TRPV4: variants seen among roughly 807,000 people sequenced by gnomAD.
TRPV4 encodes OSM9-like transient receptor potential channel 4.
In TRPV4, 58 loss-of-function variants were observed where a neutral mutation model predicts 84.1. That is an observed-to-expected ratio of 0.69 (90% CI 0.56 to 0.86). The LOEUF (loss-of-function observed/expected upper bound fraction) is 0.86. Among genes scored for constraint, TRPV4 ranks in the 40% least tolerant of loss-of-function variants. TRPV4 has a pLI of 0.00. For missense variants in TRPV4, 879 were observed against 1,181.1 expected (o/e 0.74, Z 3.75); for synonymous variants, 489 against 500.9 (o/e 0.98, Z 0.32).
In TRPV4 at chr12:109,798,524, TTAA is replaced by T. The variant is rs1890556088; in HGVS notation, c.1152+87_1152+89del. On this transcript the variant is annotated intron_variant, in intron 6 of 15. Transcript: ENST00000261740. This position sits in a 1 kb window ranked among gnomAD's most constrained non-coding sequence, Gnocchi z 5.0. ...GCATGTTGGGAGGTGCATGCACGTA[TTAA>T]TAATGAATACCAGCAGCAGACCCTC... 13 of 1,526,892 alleles carry T rather than the reference TTAA, an allele frequency of 8.5e-6. No homozygotes were observed. In the South Asian group the frequency reaches 1.5e-4, roughly 17 times the overall value. The allele number at this position is 1,526,892 out of a possible 1,614,324, so 94.6% of individuals were successfully genotyped here.
In TRPV4 at chr12:109,784,328, G is replaced by A. The variant is rs748742151; in HGVS notation, c.2446C>T (p.Arg816Cys). 65 of 1,614,038 alleles carry A rather than the reference G, an allele frequency of 4.0e-5. No individual in the cohort carries two copies. The highest frequency in any genetic ancestry group is 2.2e-4 in the South Asian group (20 of 91,090). Reference protein sequence around the residue: ...QYYGFSHTVGRLRRDRWSSVV... With the variant: ...QYYGFSHTVGCLRRDRWSSVV... ...CCCCTCCACTCACCCCTGCGGAGGC[G>A]GCCCACGGTATGCGAGAAGCCATAA... The change falls in exon 15 of 16, where the codon CGC becomes TGC. Residue 816 changes from arginine (R) to cysteine (C), a missense_variant. By Grantham distance (180) the Arg-to-Cys change is radical. This residue lies in a region of TRPV4 where 242 missense variants were observed against 355.3 expected (regional missense o/e 0.68). Coordinates refer to ENST00000261740, the MANE Select transcript of TRPV4 (RefSeq NM_021625.5).
At chr12:109,787,633 C>G (rs1889769415) in intron 13 of TRPV4, among the ~76,000 whole-genome samples, 1 of 152,112 alleles carries the variant, frequency 6.6e-6, no homozygotes, top group East Asian at 1.9e-4. Flanking sequence ...AACTGAGGCC[C>G]AATGAAGTAA....
At chr12:109,818,289 G>A (rs1162234357) in intron 1 of TRPV4, among the ~76,000 whole-genome samples, 2 of 151,808 alleles carry the variant, frequency 1.3e-5, no homozygotes, top group Non-Finnish European at 2.9e-5. Context: ...GCTGGGATCC[G>A]CCATGCCGGA....
chr12:109,817,221 G>T, intron 1 of TRPV4, among the ~76,000 whole-genome samples: 1 of 152,168 alleles, frequency 6.6e-6, no homozygotes, highest in Admixed American at 6.5e-5. Flanking sequence ...ATCTGCAGGG[G>T]CACAGGCATT....
chr12:109,803,482 G>A (rs985290639), intron 3 of TRPV4, among the ~76,000 whole-genome samples: 12 of 151,804 alleles, frequency 7.9e-5, no homozygotes, highest in Admixed American at 4.6e-4. Flanking sequence ...AGAGGGTCTC[G>A]CTCTGTCATC....
intron 12 of TRPV4, among the ~76,000 whole-genome samples, chr12:109,789,471 G>A (rs1280282729): frequency 6.6e-6 from 1 of 152,156 alleles, no homozygotes; most frequent in African/African-American, 2.4e-5. Context: ...GAGGAAAAGT[G>A]GGGGCTGAAA....
rs986614282 is a variant in TRPV4 at position 109,786,909 on chromosome 12, A to G, written c.2209-72T>C. 53 of 1,605,288 alleles carry G rather than the reference A, an allele frequency of 3.3e-5. No homozygotes were observed. Among genetic ancestry groups the G allele is most frequent in the Non-Finnish European group, 4.3e-5 (51 of 1,174,996 alleles). On this transcript the variant is annotated intron_variant, in intron 13 of 15. Transcript: ENST00000261740. The surrounding 1 kb of genome is among the most constrained non-coding windows in gnomAD (Gnocchi z 4.5). The stretch of plus-strand genomic sequence containing the variant: ...TGCGCCTGCCGCTCTGGTGGCAGAA[A>G]TGAGACAACGGGCCAGGGTGGGCCC...
rs1287543438 is a variant in TRPV4 at position 109,815,548 on chromosome 12, T to C, written c.-31-721A>G. ...CTCCCCAGTGCAAAGTGCTGATCCC[T>C]CCCTGCACCTTTGCTGGTCAACTCC... On this transcript the variant is annotated intron_variant, in intron 1 of 15. Coordinates refer to ENST00000261740, the MANE Select transcript of TRPV4 (RefSeq NM_021625.5). The surrounding 1 kb of genome is among the most constrained non-coding windows in gnomAD (Gnocchi z 4.1). Among the ~76,000 whole-genome samples, 1 of 152,156 alleles carries C rather than the reference T, an allele frequency of 6.6e-6. No homozygotes were observed. Among genetic ancestry groups the C allele is most frequent in the African/African-American group, 2.4e-5 (1 of 41,446 alleles).
In TRPV4 at chr12:109,800,599, C is replaced by T; in HGVS notation, c.853+19G>A. 6.2e-7 allele frequency: 1 copy of T among 1,614,044 alleles called. No individual in the cohort carries two copies. Among genetic ancestry groups the T allele is most frequent in the Non-Finnish European group, 8.5e-7 (1 of 1,179,980 alleles). On this transcript the variant is annotated intron_variant, in intron 5 of 15. Transcript: ENST00000261740. ...TGCTTCTCCAGCATGCTGTCAGCCC[C>T]CACCAGGCCCCTCCTTACCAAAGTA... is the stretch of plus-strand genomic sequence containing the variant.
intron 2 of TRPV4, among the ~76,000 whole-genome samples, chr12:109,811,003 G>A (rs1433097177): frequency 6.6e-6 from 1 of 152,122 alleles, no homozygotes; most frequent in Non-Finnish European, 1.5e-5. Flanking sequence ...ACAACTGTGA[G>A]GCCCTATTCC....
chr12:109,788,345 CCT>C, intron 13 of TRPV4, 53 bp downstream of exon 13: 1 of 1,563,314 alleles, frequency 6.4e-7, no homozygotes, highest in Non-Finnish European at 8.7e-7. Context: ...GGGTGGGTCT[CCT>C]CGGAAGGACG....
intron 3 of TRPV4, among the ~76,000 whole-genome samples, chr12:109,804,657 G>T (rs1891008992): frequency 6.6e-6 from 1 of 152,204 alleles, no homozygotes; most frequent in African/African-American, 2.4e-5. Flanking sequence ...CCTTCCAGGA[G>T]CAGGGTTGTT....
chr12:109,814,771 CG>C lies in TRPV4; in HGVS notation c.25del (p.Arg9AlafsTer61), dbSNP rs1891761891. On this transcript the variant is annotated frameshift_variant, in exon 2 of 16. Transcript: ENST00000261740. LOFTEE classifies it high-confidence loss of function. This position sits in a 1 kb window ranked among gnomAD's most constrained non-coding sequence, Gnocchi z 5.4. ...CTCAGCCACCTCCCCGGGCCCCGCGCGGGGGCCTTCGCTGGAATCCGCCATG... is the reference window on the plus strand; with the variant it reads ...CTCAGCCACCTCCCCGGGCCCCGCGCGGGGCCTTCGCTGGAATCCGCCATG... Reference protein sequence around the residue: MADSSEGPRAGPGEVAELP... With the variant: MADSSEGPXAGPGEVAELP... 6.5e-7 allele frequency: 1 copy of C among 1,549,534 alleles called. No homozygotes were observed. Among genetic ancestry groups the C allele is most frequent in the Admixed American group, 1.9e-5 (1 of 51,474 alleles).
intron 13 of TRPV4, 24 bp downstream of exon 13, chr12:109,788,362 TGGCTGGTAGAGTGG>T: frequency 6.3e-7 from 1 of 1,593,674 alleles, no homozygotes; most frequent in Non-Finnish European, 8.5e-7. Flanking sequence ...AGGACGAGGG[TGGCTGGTAGAGTGG>T]GGCTGGGGGC....
chr12:109,816,346 G>A (rs935642537), intron 1 of TRPV4, among the ~76,000 whole-genome samples: 1 of 152,162 alleles, frequency 6.6e-6, no homozygotes, highest in African/African-American at 2.4e-5. Flanking sequence ...CATGTAGTGT[G>A]ATCTTAGGTA....
intron 1 of TRPV4, among the ~76,000 whole-genome samples, chr12:109,820,157 C>G (rs553007764): frequency 1.3e-5 from 2 of 152,220 alleles, no homozygotes; most frequent in East Asian, 3.9e-4. Flanking sequence ...GGGGGCAGAC[C>G]TTCTGGTGGG....
intron 14 of TRPV4, among the ~76,000 whole-genome samples, chr12:109,784,664 T>C (rs948113592): frequency 1.3e-5 from 2 of 151,458 alleles, no homozygotes; most frequent in African/African-American, 4.9e-5. Flanking sequence ...ACCCCACCTC[T>C]ACTAAAAATT....
intron 1 of TRPV4, among the ~76,000 whole-genome samples, chr12:109,827,661 C>CACACAT: frequency 6.6e-6 from 1 of 151,832 alleles, no homozygotes; most frequent in Non-Finnish European, 1.5e-5. Context: ...CAAACATACA[C>CACACAT]ACACATACAC....
chr12:109,813,697 A>ATGGATGGATGATGGATAGATGGG (rs1321339505), intron 2 of TRPV4, among the ~76,000 whole-genome samples: 1 of 152,120 alleles, frequency 6.6e-6, no homozygotes. Flanking sequence ...TGATGAATAG[A>ATGGATGGATGATGGATAGATGGG]TGGATGGATG....
Sources: gnomAD v4.1 joint callset for allele counts (sites outside exome capture counted in the v4.1 genomes callset) on GRCh38, gnomAD v4.1.1 for gene constraint, gnomAD v4.1.1 regional missense constraint, Gnocchi (gnomAD v3.1) non-coding constraint, MANE v1.5 for transcripts, NCBI Gene and HGNC (gene_info 2026-07-23, HGNC 2026-07-21) for gene names.